LTV1: variants seen among roughly 807,000 people sequenced by gnomAD.
The protein encoded by LTV1 is protein LTV1 homolog.
LTV1 carries 39 observed loss-of-function variants against 59.9 expected under a neutral mutation model. The observed-to-expected ratio is 0.65, with a 90% CI of 0.50 to 0.85. The LOEUF (loss-of-function observed/expected upper bound fraction) is 0.85, where lower values mean the gene tolerates loss of function less well. Ranked by LOEUF, LTV1 falls within the 40% of genes least tolerant of loss-of-function variation. The pLI, the probability that LTV1 is intolerant of heterozygous loss-of-function variation, is 0.00. For synonymous variants in LTV1, 171 were observed against 189.5 expected (o/e 0.90, Z 0.80); for missense variants, 493 against 549.1 (o/e 0.90, Z 1.02).
In LTV1 at chr6:143,846,165, T is replaced by A; in HGVS notation, c.250T>A (p.Ser84Thr). 1 of 1,614,170 alleles carries A rather than the reference T, an allele frequency of 6.2e-7. No individual in the cohort carries two copies. The highest frequency in any genetic ancestry group is 8.5e-7 in the Non-Finnish European group (1 of 1,180,028). ...ATCTGGGCCTTCAGAGCTTATTCCCTCAAGTACCTTCAGTGCACACAACAG... is the reference window on the plus strand; with the variant it reads ...ATCTGGGCCTTCAGAGCTTATTCCCACAAGTACCTTCAGTGCACACAACAG... ...EPSGPSELIP[S>T]STFSAHNRRE... The change falls in exon 3 of 11, where the codon TCA (serine) becomes ACA (threonine). Residue 84 changes from serine to threonine, a missense_variant. Physicochemically the swap from Ser to Thr is moderately conservative, Grantham distance 58 (BLOSUM62 1). Transcript: ENST00000367576.
chr6:143,857,508 A>C lies in LTV1; in HGVS notation c.539+64A>C. ...AGTGTTACTGCTTCAGTGGGATGGT[A>C]ACCATAGAACGTTACAGTTGGAAGA... On this transcript the variant is annotated intron_variant, in intron 5 of 10. Coordinates refer to ENST00000367576, the MANE Select transcript of LTV1 (RefSeq NM_032860.5). The surrounding 1 kb of genome is among the most constrained non-coding windows in gnomAD (Gnocchi z 5.2). 1 of 1,415,894 alleles carries C rather than the reference A, an allele frequency of 7.1e-7. No homozygotes were observed. Among genetic ancestry groups the C allele is most frequent in the South Asian group, 1.2e-5 (1 of 83,024 alleles). 87.7% of individuals were successfully genotyped at this position (1,415,894 alleles called of 1,614,324 possible).
In LTV1 at chr6:143,855,846, C is replaced by A. The variant is rs533730944; in HGVS notation, c.398-1457C>A. 2.0e-5 allele frequency among the ~76,000 whole-genome samples: 3 copies of A among 152,240 alleles called. No individual in the cohort carries two copies. The South Asian group carries it at 6.2e-4, about 32-fold the overall frequency. On this transcript the variant is annotated intron_variant, in intron 4 of 10. Coordinates refer to ENST00000367576, the MANE Select transcript of LTV1 (RefSeq NM_032860.5). The surrounding 1 kb of genome is among the most constrained non-coding windows in gnomAD (Gnocchi z 4.6). ...CTGATGGGCTTCTCTTTGTGGGTAA[C>A]CCGACCTTTCTCTCTGGCTGCCCTT...
chr6:143,850,022 T>C, intron 3 of LTV1, 109 bp from the exon 4 acceptor site: 1 of 730,186 alleles, frequency 1.4e-6, no homozygotes, highest in Non-Finnish European at 2.3e-6. Context: ...TCAAATATGG[T>C]CAGTCTAAGG....
intron 4 of LTV1, among the ~76,000 whole-genome samples, chr6:143,853,354 A>C (rs900803017): frequency 2.0e-5 from 3 of 152,206 alleles, no homozygotes; most frequent in Admixed American, 2.0e-4. Context: ...TTATCAGCTT[A>C]AGGAGATTTT....
Position 143,862,275 on chromosome 6 carries a change from A to G in LTV1, c.1063+32A>G, listed in dbSNP as rs371814975. 1.4e-4 allele frequency: 217 copies of G among 1,586,758 alleles called. No individual in the cohort carries two copies. The highest frequency in any genetic ancestry group is 1.7e-4 in the Non-Finnish European group (202 of 1,158,200). On this transcript the variant is annotated intron_variant, in intron 8 of 10. Transcript: ENST00000367576. The surrounding 1 kb of genome is among the most constrained non-coding windows in gnomAD (Gnocchi z 4.2). ...ATATTCACTTTATGATAGTAATTTT[A>G]AAGTATTAAAGTATATCAACTTTAG...
rs539321447 is a variant in LTV1 at position 143,855,145 on chromosome 6, A to G, written c.398-2158A>G. Among the ~76,000 whole-genome samples, 1 of 152,184 alleles carries G rather than the reference A, an allele frequency of 6.6e-6. No homozygotes were observed. The highest frequency in any genetic ancestry group is 2.4e-5 in the African/African-American group (1 of 41,520). On this transcript the variant is annotated intron_variant, in intron 4 of 10. Transcript: ENST00000367576. This position sits in a 1 kb window ranked among gnomAD's most constrained non-coding sequence, Gnocchi z 4.6. ...CTGGGTGCTCCTGTATTAGGTGCAT[A>G]TATATTTAGGGTAGTTAGCTCTTCT...
intron 3 of LTV1, among the ~76,000 whole-genome samples, chr6:143,848,178 A>G (rs926358199): frequency 6.6e-6 from 1 of 152,254 alleles, no homozygotes; most frequent in Non-Finnish European, 1.5e-5. Context: ...TTCATTTAAC[A>G]CAAACTGACC....
At position 143,846,088 on chromosome 6, in the gene LTV1, A is replaced by G; in HGVS notation, c.173A>G (p.Tyr58Cys). Residue 58 changes from tyrosine (Y) to cysteine (C), a missense_variant, in exon 3 of 11, where the codon TAT becomes TGT. Tyr to Cys is a radical substitution (Grantham distance 194, BLOSUM62 -2). Transcript: ENST00000367576. ...NEERRAEQRK[Y>C]GVFFDDDYDY... The stretch of plus-strand genomic sequence containing the variant: ...GAAAGGCGAGCAGAACAGAGGAAGT[A>G]TGGAGTGTTCTTTGATGACGACTAT... 4 of 1,614,232 alleles carry G rather than the reference A, an allele frequency of 2.5e-6. No individual in the cohort carries two copies. The highest frequency in any genetic ancestry group is 2.2e-5 in the East Asian group (1 of 44,884).
intron 3 of LTV1, among the ~76,000 whole-genome samples, chr6:143,849,079 A>C (rs773939153): frequency 1.1e-4 from 17 of 152,220 alleles, no homozygotes; most frequent in Non-Finnish European, 2.1e-4. Flanking sequence ...AAACTCAAGA[A>C]GGTCACATGA....
intron 3 of LTV1, among the ~76,000 whole-genome samples, chr6:143,849,378 G>A (rs1166004883): frequency 6.6e-6 from 1 of 152,174 alleles, no homozygotes; most frequent in Non-Finnish European, 1.5e-5. Flanking sequence ...TTTAATTTTG[G>A]TTTGAAATTT....
rs993854294 is a variant in LTV1 at position 143,857,639 on chromosome 6, C to T, written c.540-113C>T. 8.0e-7 allele frequency: 1 copy of T among 1,247,056 alleles called. No homozygotes were observed. 77.2% of individuals were successfully genotyped at this position (1,247,056 alleles called of 1,614,324 possible). On this transcript the variant is annotated intron_variant, in intron 5 of 10. Transcript: ENST00000367576. The surrounding 1 kb of genome is among the most constrained non-coding windows in gnomAD (Gnocchi z 5.2). ...GATTGATCAAACACCCTCACTCTTCCTGCCTAGACAAGAACCCTTCCTGAA... is the reference window on the plus strand; with the variant it reads ...GATTGATCAAACACCCTCACTCTTCTTGCCTAGACAAGAACCCTTCCTGAA...
chr6:143,853,576 G>C (rs1777022089), intron 4 of LTV1, among the ~76,000 whole-genome samples: 1 of 152,252 alleles, frequency 6.6e-6, no homozygotes, highest in Non-Finnish European at 1.5e-5. Flanking sequence ...TCCAGCTTTT[G>C]CCCATTCAGT....
intron 1 of LTV1, among the ~76,000 whole-genome samples, chr6:143,843,791 C>T (rs562365953): frequency 6.6e-6 from 1 of 152,316 alleles, no homozygotes; most frequent in East Asian, 1.9e-4. Flanking sequence ...AACGCGCAAC[C>T]CTGTGCTTCT....
rs367699039 is a variant in LTV1, at chr6:143,860,602, G to T, written c.923+49G>T. ...TTTAGCTGTTCTTTTTTTTAAAAAAGAAAAAATTCCAAAGAAAGGTCTATA... is the reference window on the plus strand; with the variant it reads ...TTTAGCTGTTCTTTTTTTTAAAAAATAAAAAATTCCAAAGAAAGGTCTATA... On this transcript the variant is annotated intron_variant, in intron 7 of 10. Transcript: ENST00000367576. 8.0e-6 allele frequency: 12 copies of T among 1,507,760 alleles called. No individual in the cohort carries two copies. The African/African-American group carries it at 1.4e-4, about 18-fold the overall frequency. 93.4% of individuals were successfully genotyped at this position (1,507,760 alleles called of 1,614,324 possible).
In LTV1 at chr6:143,863,127, CAA is replaced by C. The variant is rs769797074; in HGVS notation, c.1159_1160del (p.Asn387CysfsTer13). 3.7e-6 allele frequency: 6 copies of C among 1,613,912 alleles called. No homozygotes were observed. In the South Asian group the frequency reaches 6.6e-5, roughly 18 times the overall value. On this transcript the variant is annotated frameshift_variant, in exon 10 of 11. Transcript: ENST00000367576. LOFTEE classifies it high-confidence loss of function. This position sits in a 1 kb window ranked among gnomAD's most constrained non-coding sequence, Gnocchi z 4.5. Reference sequence around the variant, plus strand: ...TATCTTCTAAAACAGGAATACCTCTCAATGTCTTACCAAAGAAAGGACTCACA... The same window carrying C: ...TATCTTCTAAAACAGGAATACCTCTCTGTCTTACCAAAGAAAGGACTCACA... ...RISSKTGIPL[N>X]VLPKKGLTAK...
intron 3 of LTV1, among the ~76,000 whole-genome samples, chr6:143,847,656 C>T (rs563593965): frequency 3.6e-4 from 55 of 152,316 alleles, no homozygotes; most frequent in African/African-American, 1.2e-3. Context: ...CCACCGCGCC[C>T]GGTCGTATAA....
Position 143,852,143 on chromosome 6 carries a change from C to T in LTV1, c.397+1925C>T, listed in dbSNP as rs187581268. 9.1e-4 allele frequency among the ~76,000 whole-genome samples: 139 copies of T among 152,300 alleles called. 1 individual carries two copies. Among genetic ancestry groups the T allele is most frequent in the African/African-American group, 3.0e-3 (125 of 41,566 alleles). ...TTCTGGTTCTAGATCCTTGAGGAAT[C>T]GCCACACTGTCTTCCACAATGGTTG... On this transcript the variant is annotated intron_variant, in intron 4 of 10. Coordinates refer to ENST00000367576, the MANE Select transcript of LTV1 (RefSeq NM_032860.5).
intron 3 of LTV1, among the ~76,000 whole-genome samples, chr6:143,848,266 T>C (rs1042663299): frequency 1.1e-4 from 17 of 152,242 alleles, no homozygotes; most frequent in Non-Finnish European, 2.1e-4. Context: ...ATGTAGATTT[T>C]ACTACAATTT....
chr6:143,844,725 G>C, intron 2 of LTV1, 108 bp downstream of exon 2: 2 of 1,198,030 alleles, frequency 1.7e-6, no homozygotes, highest in Non-Finnish European at 2.2e-6. Context: ...GGCTGGTCTC[G>C]AACTCCTGGA....
Sources: gnomAD v4.1 joint callset for allele counts (sites outside exome capture counted in the v4.1 genomes callset) on GRCh38, gnomAD v4.1.1 for gene constraint, Gnocchi (gnomAD v3.1) non-coding constraint, MANE v1.5 for transcripts, NCBI Gene and HGNC (gene_info 2026-07-23, HGNC 2026-07-21) for gene names.